Variants in KAT2B observed in about 807,000 individuals in gnomAD.
KAT2B encodes lysine acetyltransferase 2B.
A neutral mutation model predicts 105.9 loss-of-function variants in KAT2B; 36 were observed. The observed-to-expected ratio is 0.34, with a 90% confidence interval of 0.26 to 0.45. The LOEUF (loss-of-function observed/expected upper bound fraction) is 0.45. Ranked by LOEUF, KAT2B falls within the 20% of genes least tolerant of loss-of-function variation. KAT2B has a pLI of 1.00. For synonymous variants in KAT2B, 397 were observed against 377.9 expected, an observed-to-expected ratio of 1.05 and a Z score of -0.59; for missense variants, 820 against 1,021.6, an observed-to-expected ratio of 0.80 and a Z score of 2.69.
At chr3:20,047,074 C>CA (rs141129248) in intron 1 of KAT2B, among the ~76,000 whole-genome samples, 1 of 115,228 alleles carries the variant, frequency 8.7e-6, no homozygotes, top group Non-Finnish European at 1.9e-5. Flanking sequence ...TTTTGTTTTG[C>CA]CCCCCCCTTT....
intron 17 of KAT2B, among the ~76,000 whole-genome samples, chr3:20,150,989 C>T (rs1336498299): frequency 1.3e-5 from 2 of 152,124 alleles, no homozygotes; most frequent in East Asian, 3.8e-4. Context: ...ATGTAAACAT[C>T]TACTTTTACT....
chr3:20,144,267 C>T (rs1288176773), intron 13 of KAT2B, among the ~76,000 whole-genome samples: 2 of 142,960 alleles, frequency 1.4e-5, no homozygotes, highest in Non-Finnish European at 3.0e-5. Flanking sequence ...AGAGATTGCC[C>T]TTGGGATTCT....
At chr3:20,072,030 T>C (rs1179531070) in intron 1 of KAT2B, among the ~76,000 whole-genome samples, 2 of 152,116 alleles carry the variant, frequency 1.3e-5, no homozygotes, top group East Asian at 1.9e-4. Flanking sequence ...AGATGGACTT[T>C]CTTGGAACTC....
At chr3:20,149,145 T>C (rs1359244878) in intron 17 of KAT2B, 1 of 152,270 alleles carries the variant, frequency 6.6e-6, no homozygotes, top group South Asian at 2.1e-4. Context: ...TCATTTGAGG[T>C]CGCTCAAATT....
At position 20,152,967 on chromosome 3, in the gene KAT2B, A is replaced by G. The variant is rs895346963; in HGVS notation, c.*442A>G. 2.0e-5 allele frequency: 3 copies of G among 153,536 alleles called. No individual in the cohort carries two copies. Among genetic ancestry groups the G allele is most frequent in the African/African-American group, 7.2e-5 (3 of 41,474 alleles). 9.5% of individuals were successfully genotyped at this position (153,536 alleles called of 1,614,324 possible). Reference sequence around the variant, plus strand: ...TTCTGAAGGACTTTAAGGAAGGGATACATGATTTTAAAAAAGCCTGTAAGA... The same window carrying G: ...TTCTGAAGGACTTTAAGGAAGGGATGCATGATTTTAAAAAAGCCTGTAAGA... On this transcript the variant is annotated 3_prime_UTR_variant, in exon 18 of 18. Coordinates refer to ENST00000263754, the MANE Select transcript of KAT2B (RefSeq NM_003884.5).
chr3:20,040,503 C>T lies in KAT2B; in HGVS notation c.26C>T (p.Pro9Leu). The change falls in exon 1 of 18, where the codon CCG (proline) becomes CTG (leucine). Residue 9 changes from proline to leucine, a missense_variant. Pro to Leu is a moderately conservative substitution (Grantham distance 98). Around this residue, in one of 6 missense-constraint regions of KAT2B, gnomAD observed 190 missense variants for 176.7 expected, o/e 1.08. Coordinates refer to ENST00000263754, the MANE Select transcript of KAT2B (RefSeq NM_003884.5). MSEAGGAG[P>L]GGCGAGAGAG... is the part of the protein sequence containing the mutation. ...ATGTCCGAGGCTGGCGGGGCCGGGC[C>T]GGGCGGCTGCGGGGCAGGAGCCGGG... 2.9e-6 allele frequency: 3 copies of T among 1,028,532 alleles called. No individual in the cohort carries two copies. The highest frequency in any genetic ancestry group is 3.5e-6 in the Non-Finnish European group (3 of 858,828). The allele number at this position is 1,028,532 out of a possible 1,614,324, so 63.7% of individuals were successfully genotyped here. A position where few individuals can be genotyped will look rare whatever the true frequency, so the allele number is the denominator to read the frequency against.
intron 1 of KAT2B, among the ~76,000 whole-genome samples, chr3:20,044,061 T>C (rs1261607623): frequency 5.7e-5 from 7 of 122,606 alleles, no homozygotes; most frequent in East Asian, 2.1e-4. Context: ...CCCCAGAGAA[T>C]AGAAAAAGAA....
intron 7 of KAT2B, among the ~76,000 whole-genome samples, chr3:20,118,452 G>A (rs1197404053): frequency 6.7e-6 from 1 of 149,692 alleles, no homozygotes; most frequent in East Asian, 2.0e-4. Flanking sequence ...CGTGGTGGCT[G>A]ACACCTGTAA....
rs574664908 is a variant in KAT2B, at chr3:20,145,886, C to T, written c.2005-430C>T. Among the ~76,000 whole-genome samples, 13 of 152,248 alleles carry T rather than the reference C, an allele frequency of 8.5e-5. 1 individual carries two copies. The highest frequency in any genetic ancestry group is 7.8e-4 in the Admixed American group (12 of 15,288). ...GGACTTTCTGGGGCCCGTTTACCTGCTTCTCTAGTCCGAAGGGAACAGTTC... is the reference window on the plus strand; with the variant it reads ...GGACTTTCTGGGGCCCGTTTACCTGTTTCTCTAGTCCGAAGGGAACAGTTC... On this transcript the variant is annotated intron_variant, in intron 13 of 17. Coordinates refer to ENST00000263754, the MANE Select transcript of KAT2B (RefSeq NM_003884.5).
At chr3:20,135,942 T>C (rs1699592512) in intron 11 of KAT2B, among the ~76,000 whole-genome samples, 1 of 152,196 alleles carries the variant, frequency 6.6e-6, no homozygotes, top group African/African-American at 2.4e-5. Flanking sequence ...TGAAAATGAA[T>C]TGGTCTATCT....
At chr3:20,068,015 G>A (rs1421499525) in intron 1 of KAT2B, among the ~76,000 whole-genome samples, 1 of 140,926 alleles carries the variant, frequency 7.1e-6, no homozygotes, top group African/African-American at 2.7e-5. Flanking sequence ...TTTTGTTTTT[G>A]AGGCAAGGTC....
intron 8 of KAT2B, among the ~76,000 whole-genome samples, 163 bp from the exon 9 acceptor site, chr3:20,122,505 A>G (rs1452650758): frequency 1.3e-5 from 2 of 152,222 alleles, no homozygotes; most frequent in Non-Finnish European, 2.9e-5. Flanking sequence ...TTGTGAGCTC[A>G]CAATGGCTCT....
rs140997578 is a variant in KAT2B, at chr3:20,043,668, G to T, written c.303+2888G>T. On this transcript the variant is annotated intron_variant, in intron 1 of 17. Coordinates refer to ENST00000263754, the MANE Select transcript of KAT2B (RefSeq NM_003884.5). ...CCGGCTGGGGTGCGTGGCCAAGAGGGCACTGAGGAGTGCAGGAATCTTAAC... is the reference window on the plus strand; with the variant it reads ...CCGGCTGGGGTGCGTGGCCAAGAGGTCACTGAGGAGTGCAGGAATCTTAAC... Among the ~76,000 whole-genome samples, 37 of 152,210 alleles carry T rather than the reference G, an allele frequency of 2.4e-4. No homozygotes were observed. The East Asian group carries it at 7.2e-3, about 29-fold the overall frequency.
chr3:20,098,405 C>G (rs1179607606), intron 3 of KAT2B, among the ~76,000 whole-genome samples: 3 of 152,088 alleles, frequency 2.0e-5, no homozygotes, highest in African/African-American at 7.2e-5. Flanking sequence ...AGTTAATCTG[C>G]CTTGTTAGTA....
chr3:20,124,519 C>G (rs1699364508), intron 9 of KAT2B, among the ~76,000 whole-genome samples: 1 of 152,158 alleles, frequency 6.6e-6, no homozygotes, highest in Admixed American at 6.5e-5. Flanking sequence ...GGGGATGGTG[C>G]TAGGCCATTC....
chr3:20,048,761 A>G (rs1487367049), intron 1 of KAT2B, among the ~76,000 whole-genome samples: 1 of 152,226 alleles, frequency 6.6e-6, no homozygotes, highest in Non-Finnish European at 1.5e-5. Context: ...TGCTGTGGTC[A>G]TCTGATTCAA....
chr3:20,044,715 C>T (rs1047728455), intron 1 of KAT2B, among the ~76,000 whole-genome samples: 4 of 152,268 alleles, frequency 2.6e-5, no homozygotes, highest in African/African-American at 7.2e-5. Flanking sequence ...TTCCTTTACC[C>T]CCCTGAGCAG....
chr3:20,129,652 A>G (rs1699474939), intron 11 of KAT2B, among the ~76,000 whole-genome samples: 1 of 152,190 alleles, frequency 6.6e-6, no homozygotes, highest in African/African-American at 2.4e-5. Context: ...CTGAGATTAC[A>G]AACATGAGCA....
intron 5 of KAT2B, among the ~76,000 whole-genome samples, chr3:20,108,682 C>T (rs1273203342): frequency 1.3e-5 from 2 of 152,212 alleles, no homozygotes; most frequent in Admixed American, 6.5e-5. Context: ...GTCCCCCACC[C>T]CTGGGCCATG....
Sources: gnomAD v4.1 joint callset for allele counts (sites outside exome capture counted in the v4.1 genomes callset) on GRCh38, gnomAD v4.1.1 for gene constraint, gnomAD v4.1.1 regional missense constraint, MANE v1.5 for transcripts, NCBI Gene and HGNC (gene_info 2026-07-23, HGNC 2026-07-21) for gene names.